The following KCNJ6 variants were observed in gnomAD, a reference collection of about 807,000 sequenced individuals.
The protein encoded by KCNJ6 is G protein-activated inward rectifier potassium channel 2.
A neutral mutation model predicts 34.2 loss-of-function variants in KCNJ6; 9 were observed. The observed-to-expected ratio is 0.26, with a 90% CI of 0.16 to 0.46. The LOEUF (loss-of-function observed/expected upper bound fraction) is 0.46. Ranked by LOEUF, KCNJ6 falls within the 20% of genes least tolerant of loss-of-function variation. The pLI is 1.00. For synonymous variants in KCNJ6, 196 were observed against 207.1 expected (o/e 0.95, Z 0.46); for missense variants, 236 against 531.3 (o/e 0.44, Z 5.46).
intron 2 of KCNJ6, among the ~76,000 whole-genome samples, chr21:37,779,344 T>G (rs1040719309): frequency 1.3e-5 from 2 of 152,152 alleles, no homozygotes; most frequent in Non-Finnish European, 2.9e-5. Context: ...TTCATACTCT[T>G]CTAACCTTCC....
At chr21:37,706,584 G>C (rs1003652695) in intron 3 of KCNJ6, among the ~76,000 whole-genome samples, 1 of 117,112 alleles carries the variant, frequency 8.5e-6, no homozygotes, top group African/African-American at 2.9e-5. Flanking sequence ...CATGTAGTGC[G>C]AATGAGAAAT....
intron 1 of KCNJ6, among the ~76,000 whole-genome samples, chr21:37,841,050 C>T (rs1182516564): frequency 6.6e-6 from 1 of 151,954 alleles, no homozygotes; most frequent in African/African-American, 2.4e-5. Context: ...CTCTCTGTTT[C>T]CCCCCATTGA....
At chr21:37,860,863 T>C (rs1027626889) in intron 1 of KCNJ6, among the ~76,000 whole-genome samples, 1 of 121,992 alleles carries the variant, frequency 8.2e-6, no homozygotes, top group Admixed American at 7.6e-5. Flanking sequence ...ATTGTAGCTT[T>C]CGTCTTCATT....
At chr21:37,687,644 T>C (rs920520027) in intron 3 of KCNJ6, among the ~76,000 whole-genome samples, 1 of 152,244 alleles carries the variant, frequency 6.6e-6, no homozygotes, top group African/African-American at 2.4e-5. Context: ...TGTGCCTGTT[T>C]TATAGCAAAT....
chr21:37,893,810 C>A (rs1011561132), intron 1 of KCNJ6, among the ~76,000 whole-genome samples: 1 of 152,168 alleles, frequency 6.6e-6, no homozygotes, highest in Non-Finnish European at 1.5e-5. Context: ...GAATTGACTT[C>A]TAAAATACTT....
intron 1 of KCNJ6, among the ~76,000 whole-genome samples, chr21:37,863,845 G>GATTTTTTTTTT (rs2055606638): frequency 2.9e-5 from 1 of 34,500 alleles, no homozygotes; most frequent in African/African-American, 1.7e-4. Flanking sequence ...AAAATATAAA[G>GATTTTTTTTTT]GTTTTTTTTT....
intron 2 of KCNJ6, among the ~76,000 whole-genome samples, chr21:37,769,113 G>A (rs1392535234): frequency 1.3e-5 from 2 of 152,204 alleles, no homozygotes; most frequent in Non-Finnish European, 2.9e-5. Context: ...CGCACGGGGT[G>A]ATGTGGAGTA....
chr21:37,694,596 G>A (rs996880313), intron 3 of KCNJ6, among the ~76,000 whole-genome samples: 2 of 152,130 alleles, frequency 1.3e-5, no homozygotes, highest in Admixed American at 6.5e-5. Flanking sequence ...GAACTTATGT[G>A]GAGGCTACAG....
In KCNJ6 at chr21:37,856,912, A is replaced by G. The variant is rs183149714; in HGVS notation, c.-27-16203T>C. 2.4e-3 allele frequency among the ~76,000 whole-genome samples: 370 copies of G among 152,192 alleles called. 3 individuals are homozygous for G. Among genetic ancestry groups the G allele is most frequent in the African/African-American group, 8.5e-3 (352 of 41,494 alleles). On this transcript the variant is annotated intron_variant, in intron 1 of 3. Transcript: ENST00000609713. Reference sequence around the variant, plus strand: ...TCATTCCAGTGTGTGATGCTCTTGCATGGTTCACCAGGCCATGCTCTGGTA... The same window carrying G: ...TCATTCCAGTGTGTGATGCTCTTGCGTGGTTCACCAGGCCATGCTCTGGTA...
chr21:37,694,572 A>G (rs2054655670), intron 3 of KCNJ6, among the ~76,000 whole-genome samples: 1 of 152,236 alleles, frequency 6.6e-6, no homozygotes, highest in Admixed American at 6.5e-5. Flanking sequence ...TCCAGGTGTC[A>G]GCGGTGTGTC....
intron 2 of KCNJ6, among the ~76,000 whole-genome samples, chr21:37,826,849 C>A (rs2055401460): frequency 6.6e-6 from 1 of 152,090 alleles, no homozygotes; most frequent in Non-Finnish European, 1.5e-5. Flanking sequence ...GGAACACACA[C>A]AAGCAGAGAG....
At chr21:37,779,568 G>C (rs555623247) in intron 2 of KCNJ6, among the ~76,000 whole-genome samples, 18 of 152,288 alleles carry the variant, frequency 1.2e-4, no homozygotes, top group African/African-American at 4.3e-4. Context: ...CATTTGGTGA[G>C]AGAGTTACAG....
chr21:37,641,586 G>T (rs183597213), intron 3 of KCNJ6, among the ~76,000 whole-genome samples: 2 of 152,092 alleles, frequency 1.3e-5, no homozygotes, highest in Non-Finnish European at 2.9e-5. Context: ...ATAAGGCAAC[G>T]TGTGGGGTAA....
intron 1 of KCNJ6, among the ~76,000 whole-genome samples, chr21:37,844,051 C>T (rs3787851): frequency 0.2 from 29,613 of 145,962 alleles, 3,010 homozygotes; most frequent in South Asian, 0.3. Context: ...TTCCTCACCC[C>T]CTGATATTTT....
At chr21:37,789,128 A>G (rs1216136795) in intron 2 of KCNJ6, among the ~76,000 whole-genome samples, 1 of 152,200 alleles carries the variant, frequency 6.6e-6, no homozygotes, top group African/African-American at 2.4e-5. Flanking sequence ...ATTCTTCTTG[A>G]AAAAGGGACA....
intron 2 of KCNJ6, among the ~76,000 whole-genome samples, chr21:37,750,316 T>C (rs2054988938): frequency 6.6e-6 from 1 of 152,208 alleles, no homozygotes; most frequent in South Asian, 2.1e-4. Context: ...TGGAAGACAG[T>C]GTGGCGATTC....
At chr21:37,797,040 G>A (rs1465369911) in intron 2 of KCNJ6, among the ~76,000 whole-genome samples, 4 of 151,610 alleles carry the variant, frequency 2.6e-5, no homozygotes, top group Non-Finnish European at 2.9e-5. Flanking sequence ...TGATCCACCC[G>A]CCTCGGCCTC....
At chr21:37,764,773 G>A (rs931014755) in intron 2 of KCNJ6, among the ~76,000 whole-genome samples, 7 of 152,214 alleles carry the variant, frequency 4.6e-5, no homozygotes, top group African/African-American at 1.4e-4. Flanking sequence ...TGGTCATCCC[G>A]TGATCTTACA....
intron 2 of KCNJ6, among the ~76,000 whole-genome samples, chr21:37,728,100 T>C (rs2054864879): frequency 6.6e-6 from 1 of 152,238 alleles, no homozygotes; most frequent in Non-Finnish European, 1.5e-5. Context: ...GTTCTATCCA[T>C]ACAGTGGAGT....
Sources: gnomAD v4.1 joint callset for allele counts (sites outside exome capture counted in the v4.1 genomes callset) on GRCh38, gnomAD v4.1.1 for gene constraint, MANE v1.5 for transcripts, NCBI Gene and HGNC (gene_info 2026-07-23, HGNC 2026-07-21) for gene names.